Variants in DPP6 observed in about 807,000 individuals in gnomAD.
The protein encoded by DPP6 is dipeptidyl peptidase like 6, also known as A-type potassium channel modulatory protein DPP6.
Under a neutral mutation model 122.6 loss-of-function variants are expected in DPP6, and 69 were observed. That is an observed-to-expected ratio of 0.56 (90% CI 0.46 to 0.69). The LOEUF (loss-of-function observed/expected upper bound fraction) is 0.69, where lower values mean the gene tolerates loss of function less well. Among genes scored for constraint, DPP6 ranks in the 30% least tolerant of loss-of-function variants. The pLI, the probability that DPP6 is intolerant of heterozygous loss-of-function variation, is 0.00. For synonymous variants in DPP6, 418 were observed against 433.1 expected (o/e 0.97, Z 0.43); for missense variants, 928 against 1,116.9 (o/e 0.83, Z 2.41).
intron 3 of DPP6, among the ~76,000 whole-genome samples, chr7:154,492,320 G>T (rs751657339): frequency 1.3e-5 from 2 of 152,188 alleles, no homozygotes; most frequent in Non-Finnish European, 2.9e-5. Context: ...GGGCAACTCA[G>T]TGCAAACATC....
intron 1 of DPP6, among the ~76,000 whole-genome samples, chr7:154,154,573 T>G (rs1249459067): frequency 6.6e-6 from 1 of 152,222 alleles, no homozygotes; most frequent in East Asian, 1.9e-4. Context: ...TTCACAGTAT[T>G]ACCACATTGT....
chr7:154,294,444 AG>A, intron 1 of DPP6, among the ~76,000 whole-genome samples: 1 of 152,188 alleles, frequency 6.6e-6, no homozygotes, highest in East Asian at 1.9e-4. Flanking sequence ...CCACTCCCCA[AG>A]GCCAAATCAT....
At chr7:153,977,466 T>C (rs1796366161) in intron 1 of DPP6, among the ~76,000 whole-genome samples, 2 of 152,236 alleles carry the variant, frequency 1.3e-5, no homozygotes, top group Non-Finnish European at 2.9e-5. Context: ...TATGTGCATG[T>C]GTCTCTAGGT....
At chr7:154,232,171 A>G (rs1205406673) in intron 1 of DPP6, among the ~76,000 whole-genome samples, 1 of 152,112 alleles carries the variant, frequency 6.6e-6, no homozygotes, top group Non-Finnish European at 1.5e-5. Flanking sequence ...AGGGGCAGGT[A>G]CTGAACAAAA....
chr7:154,149,926 C>T (rs1191103294), intron 1 of DPP6, among the ~76,000 whole-genome samples: 1 of 152,098 alleles, frequency 6.6e-6, no homozygotes, highest in African/African-American at 2.4e-5. Flanking sequence ...TACATTGCTT[C>T]CCACACAAGC....
intron 6 of DPP6, among the ~76,000 whole-genome samples, chr7:154,641,921 A>G (rs971180380): frequency 3.3e-5 from 5 of 152,038 alleles, no homozygotes; most frequent in Admixed American, 6.5e-5. Context: ...TTGCTTACCT[A>G]CTCGTAATTT....
At chr7:154,512,461 T>A (rs956490530) in intron 3 of DPP6, among the ~76,000 whole-genome samples, 1 of 152,232 alleles carries the variant, frequency 6.6e-6, no homozygotes, top group Non-Finnish European at 1.5e-5. Flanking sequence ...ACTAAAGCTT[T>A]GACTGTTAAA....
intron 6 of DPP6, among the ~76,000 whole-genome samples, chr7:154,643,826 G>A (rs1836271279): frequency 6.6e-6 from 1 of 152,176 alleles, no homozygotes. Flanking sequence ...ACAGTCTCAA[G>A]AAGGAAGTTT....
intron 7 of DPP6, among the ~76,000 whole-genome samples, chr7:154,709,053 ATAAAT>A (rs1840999314): frequency 6.6e-6 from 1 of 151,394 alleles, no homozygotes. Flanking sequence ...GTCTCAAAAA[ATAAAT>A]AAAAATAAAA....
intron 16 of DPP6, among the ~76,000 whole-genome samples, chr7:154,819,059 C>T (rs116357684): frequency 0.012 from 1,883 of 152,276 alleles, 39 homozygotes; most frequent in African/African-American, 0.041. Flanking sequence ...GAACCTGGTA[C>T]GAGTGTGCCT....
intron 10 of DPP6, among the ~76,000 whole-genome samples, chr7:154,784,681 A>G (rs899394161): frequency 6.6e-6 from 1 of 152,082 alleles, no homozygotes; most frequent in South Asian, 2.1e-4. Context: ...GCCCGTCACA[A>G]TCAGGCAGGG....
At chr7:154,707,622 C>T (rs1840909325) in intron 7 of DPP6, among the ~76,000 whole-genome samples, 1 of 152,158 alleles carries the variant, frequency 6.6e-6, no homozygotes, top group Non-Finnish European at 1.5e-5. Flanking sequence ...AAATGAGAAT[C>T]ATCAGGAATC....
chr7:153,806,474 G>A, the DPP6 span, among the ~76,000 whole-genome samples: 3 of 151,370 alleles, frequency 2.0e-5, no homozygotes, highest in Non-Finnish European at 4.4e-5. Context: ...AGGTGAAGGA[G>A]GTACAGTGGG....
intron 1 of DPP6, among the ~76,000 whole-genome samples, chr7:153,919,807 T>C (rs1800547436): frequency 6.6e-6 from 1 of 152,210 alleles, no homozygotes; most frequent in Non-Finnish European, 1.5e-5. Context: ...AGCTACTGTT[T>C]AATGTATTTT....
chr7:154,063,922 G>C (rs933106514), intron 1 of DPP6, among the ~76,000 whole-genome samples: 12 of 151,762 alleles, frequency 7.9e-5, no homozygotes, highest in African/African-American at 2.9e-4. Context: ...GTCTCGGGAA[G>C]CCTCCAGGGA....
intron 1 of DPP6, among the ~76,000 whole-genome samples, chr7:154,081,994 C>T (rs1384940924): frequency 1.3e-5 from 2 of 152,130 alleles, no homozygotes; most frequent in East Asian, 3.9e-4. Context: ...ACTTGAGTGA[C>T]CTTTCTCTTC....
intron 1 of DPP6, among the ~76,000 whole-genome samples, chr7:154,152,631 C>T (rs543551762): frequency 3.9e-5 from 6 of 152,294 alleles, no homozygotes; most frequent in East Asian, 3.9e-4. Flanking sequence ...CACTTAGTTC[C>T]GGCAAAACCT....
intron 6 of DPP6, among the ~76,000 whole-genome samples, chr7:154,658,117 G>A (rs1420334731): frequency 1.3e-5 from 2 of 152,208 alleles, no homozygotes; most frequent in Non-Finnish European, 2.9e-5. Context: ...GTGCAAGACG[G>A]ATGGATTTGT....
intron 1 of DPP6, among the ~76,000 whole-genome samples, chr7:154,244,546 C>T (rs115189717): frequency 5.4e-4 from 82 of 152,086 alleles, no homozygotes; most frequent in African/African-American, 1.7e-3. Flanking sequence ...AAATGTATGA[C>T]AATAACAACA....
Sources: allele counts gnomAD v4.1 joint callset (sites outside exome capture counted in the v4.1 genomes callset), GRCh38; gene constraint gnomAD v4.1.1; transcripts MANE v1.5; gene names NCBI Gene and HGNC (gene_info 2026-07-23, HGNC 2026-07-21).